The following TMC6 variants were observed in gnomAD, a reference collection of about 807,000 sequenced individuals.
TMC6 encodes transmembrane channel-like protein 6.
In TMC6, 71 loss-of-function variants were observed where a neutral mutation model predicts 95.4. The ratio of observed to expected loss-of-function variants is 0.74; its 90% CI spans 0.61 to 0.91. The LOEUF is 0.91. TMC6 is among the 40% of genes least tolerant of loss of function. The pLI is 0.00. For synonymous variants in TMC6, 514 were observed against 483.1 expected (o/e 1.06, Z -0.84); for missense variants, 1,074 against 1,079.1 (o/e 1.00, Z 0.07).
Position 78,128,030 on chromosome 17 carries a change from C to T in TMC6, c.-75+582G>A, listed in dbSNP as rs2074820049. The stretch of plus-strand genomic sequence containing the variant: ...TAGAGCTGGAATCCCTTCCTCCAGA[C>T]AGGCCCTTCTAAGCTCAGGGAACCC... On this transcript the variant is annotated intron_variant, in intron 1 of 19. Transcript: ENST00000590602. This position sits in a 1 kb window ranked among gnomAD's most constrained non-coding sequence, Gnocchi z 4.0. Among the ~76,000 whole-genome samples, 1 of 152,268 alleles carries T rather than the reference C, an allele frequency of 6.6e-6. No homozygotes were observed. Among genetic ancestry groups the T allele is most frequent in the Admixed American group, 6.5e-5 (1 of 15,290 alleles).
chr17:78,121,533 C>A lies in TMC6; in HGVS notation c.1383+23G>T. 1 of 1,610,692 alleles carries A rather than the reference C, an allele frequency of 6.2e-7. No individual in the cohort carries two copies. Among genetic ancestry groups the A allele is most frequent in the East Asian group, 2.2e-5 (1 of 44,838 alleles). On this transcript the variant is annotated intron_variant, in intron 11 of 19. Transcript: ENST00000590602. The surrounding 1 kb of genome is among the most constrained non-coding windows in gnomAD (Gnocchi z 5.6). ...ACTGGGGACACGTTCCAAGCAAGGGCCAGGCTCCCCCCATCCCCGCACCTG... is the reference window on the plus strand; with the variant it reads ...ACTGGGGACACGTTCCAAGCAAGGGACAGGCTCCCCCCATCCCCGCACCTG...
chr17:78,118,030 G>A (rs960881551), intron 15 of TMC6, 95 bp from the exon 16 acceptor site: 2 of 1,539,250 alleles, frequency 1.3e-6, no homozygotes, highest in East Asian at 2.4e-5. Flanking sequence ...GACCAGGGCT[G>A]TGCGTCCAGG....
chr17:78,119,087 T>C, intron 14 of TMC6, 41 bp from the exon 15 acceptor site: 1 of 1,545,218 alleles, frequency 6.5e-7, no homozygotes, highest in Non-Finnish European at 8.8e-7. Context: ...TCCAGTGCCC[T>C]CCCCTCCCCG....
chr17:78,131,505 A>C, upstream of TMC6: 1 of 1,516,626 alleles, frequency 6.6e-7, no homozygotes, highest in Non-Finnish European at 8.8e-7. Context: ...GGCCATAGCC[A>C]AGGCCTTAAG....
upstream of TMC6, chr17:78,131,289 A>AC (rs974569952): frequency 3.8e-6 from 2 of 531,690 alleles, no homozygotes; most frequent in African/African-American, 3.9e-5. Context: ...AGATGGGGAG[A>AC]CTGAGGCCGT....
rs2073821566 is a variant in TMC6, at chr17:78,111,364, G to A, written c.*1784C>T. ...ATGGGCTCAACAGGTCACAACCAAT[G>A]ATCATGCTGGCAAGCCAGCAGTGGC... On this transcript the variant is annotated 3_prime_UTR_variant, in exon 20 of 20. Coordinates refer to ENST00000590602, the MANE Select transcript of TMC6 (RefSeq NM_001127198.5). 6.6e-6 allele frequency: 1 copy of A among 152,372 alleles called. No homozygotes were observed. Among genetic ancestry groups the A allele is most frequent in the Non-Finnish European group, 1.5e-5 (1 of 68,148 alleles). The allele number at this position is 152,372 out of a possible 1,614,324, so 9.4% of individuals were successfully genotyped here.
chr17:78,125,216 G>C lies in TMC6; in HGVS notation c.478C>G (p.Gln160Glu), dbSNP rs1209482520. 1.3e-6 allele frequency: 2 copies of C among 1,591,058 alleles called. No homozygotes were observed. Among genetic ancestry groups the C allele is most frequent in the African/African-American group, 1.3e-5 (1 of 74,774 alleles). ...VKELQSLAVAQRDHMLRGMPL... is the reference protein window; with the variant it reads ...VKELQSLAVAERDHMLRGMPL... ...ATCCCGCGAAGCATGTGGTCCCGCT[G>C]TGCCACTGCCAGGCTCTGGAGCTCC... Residue 160 changes from glutamine to glutamate, a missense_variant, in exon 6 of 20, where the codon CAG becomes GAG. Coordinates refer to ENST00000590602, the MANE Select transcript of TMC6 (RefSeq NM_001127198.5).
At position 78,113,781 on chromosome 17, in the gene TMC6, G is replaced by A. The variant is rs1473477894; in HGVS notation, c.2278-157C>T. On this transcript the variant is annotated intron_variant, in intron 18 of 19. Coordinates refer to ENST00000590602, the MANE Select transcript of TMC6 (RefSeq NM_001127198.5). ...AAAAGGTGAAAGGGCCACCAAACAAGGACAAGGAAAAACCAAGAGCCAGGA... is the reference window on the plus strand; with the variant it reads ...AAAAGGTGAAAGGGCCACCAAACAAAGACAAGGAAAAACCAAGAGCCAGGA... 3.9e-6 allele frequency: 3 copies of A among 764,130 alleles called. No individual in the cohort carries two copies. The African/African-American group carries it at 5.2e-5, about 13-fold the overall frequency. The allele number at this position is 764,130 out of a possible 1,614,324, so 47.3% of individuals were successfully genotyped here.
chr17:78,117,020 AC>A (rs991907165), intron 18 of TMC6, among the ~76,000 whole-genome samples: 1 of 151,866 alleles, frequency 6.6e-6, no homozygotes, highest in Non-Finnish European at 1.5e-5. Context: ...CTGAAATCAC[AC>A]CCCACCCCCC....
intron 18 of TMC6, 149 bp downstream of exon 18, chr17:78,117,120 T>C (rs1598833344): frequency 7.7e-6 from 6 of 784,240 alleles, no homozygotes; most frequent in Non-Finnish European, 1.0e-5. Context: ...TGATCTGAAG[T>C]GCACGTATTG....
chr17:78,119,134 G>T (rs565513959), intron 14 of TMC6, 88 bp from the exon 15 acceptor site: 1 of 1,503,556 alleles, frequency 6.7e-7, no homozygotes, highest in Non-Finnish European at 9.1e-7. Context: ...CAGGGCATGT[G>T]ACAGTGGCCA....
In TMC6 at chr17:78,117,648, G is replaced by T. The variant is rs1390522522; in HGVS notation, c.2022-4C>A. The T allele has an allele frequency of 1.3e-5, 21 of 1,566,068 alleles. No homozygotes were observed. Among genetic ancestry groups the T allele is most frequent in the Non-Finnish European group, 1.8e-5 (21 of 1,156,226 alleles). ...GCAGGTGCTCGAGGGCTTCACCCTG[G>T]GGAAGATGCCGACCAGGAACCCTCA... is the stretch of plus-strand genomic sequence containing the variant. On this transcript the variant is annotated splice_polypyrimidine_tract_variant and splice_region_variant and intron_variant, in intron 16 of 19. Transcript: ENST00000590602.
rs2073827834 is a variant in TMC6, at chr17:78,111,699, G to A, written c.*1449C>T. ...CACAGGAGCATCCCCATGGGATTGG[G>A]TGGGCTAGACCCAGCGTGGGGGTCT... On this transcript the variant is annotated 3_prime_UTR_variant, in exon 20 of 20. Transcript: ENST00000590602. 2 of 160,594 alleles carry A rather than the reference G, an allele frequency of 1.2e-5. No homozygotes were observed. The highest frequency in any genetic ancestry group is 2.9e-4 in the South Asian group (2 of 6,828). The allele number at this position is 160,594 out of a possible 1,614,324, so 9.9% of individuals were successfully genotyped here.
At chr17:78,125,118 G>A (rs750976052) in intron 6 of TMC6, 40 bp downstream of exon 6, 6 of 1,548,988 alleles carry the variant, frequency 3.9e-6, no homozygotes, top group South Asian at 3.6e-5. Flanking sequence ...GGGTCTGGGG[G>A]CGCAGCAGCG....
At position 78,110,435 on chromosome 17, in the gene TMC6, C is replaced by G. The variant is rs1021216319; in HGVS notation, c.*2713G>C. On this transcript the variant is annotated 3_prime_UTR_variant, in exon 20 of 20. Transcript: ENST00000590602. Reference sequence around the variant, plus strand: ...GAGGCAGTGAGCCGAGATCATGGAACTGCACTCCAGCCTGGGCAAGAGCAA... The same window carrying G: ...GAGGCAGTGAGCCGAGATCATGGAAGTGCACTCCAGCCTGGGCAAGAGCAA... 1.6e-4 allele frequency: 24 copies of G among 151,444 alleles called. No homozygotes were observed. Among genetic ancestry groups the G allele is most frequent in the African/African-American group, 5.6e-4 (23 of 41,160 alleles). 9.4% of individuals were successfully genotyped at this position (151,444 alleles called of 1,614,324 possible).
intron 19 of TMC6, 74 bp from the exon 20 acceptor site, chr17:78,113,285 G>A (rs1370425367): frequency 6.0e-6 from 9 of 1,487,780 alleles, no homozygotes; most frequent in Non-Finnish European, 8.2e-6. Context: ...GCGCAGCCAA[G>A]GCCCGGCGAG....
rs571643180 is a variant in TMC6 at position 78,122,648 on chromosome 17, C to T, written c.1184G>A (p.Arg395Gln). 45 of 1,611,962 alleles carry T rather than the reference C, an allele frequency of 2.8e-5. 1 individual carries two copies. In the South Asian group the frequency reaches 3.0e-4, roughly 11 times the overall value. Residue 395 changes from arginine to glutamine, a missense_variant, in exon 10 of 20, where the codon CGG (arginine) becomes CAG (glutamine). By Grantham distance (43) the Arg-to-Gln change is conservative. Transcript: ENST00000590602. This position sits in a 1 kb window ranked among gnomAD's most constrained non-coding sequence, Gnocchi z 4.9. ...ATTGTCCTGCTGGAGGCGGGAGGCC[C>T]GCTTCTGCGTCACCTTGTAGTCCCA... is the stretch of plus-strand genomic sequence containing the variant. ...CSWDYKVTQK[R>Q]ASRLQQDNIR...
chr17:78,119,362 C>T lies in TMC6; in HGVS notation c.1746G>A (p.Arg582=), dbSNP rs370625898. Residue 582 remains arginine (R), a synonymous_variant, in exon 14 of 20, where the codon AGG becomes AGA. Coordinates refer to ENST00000590602, the MANE Select transcript of TMC6 (RefSeq NM_001127198.5). ...RIISEKKLKR[R]RKPEFDIARN... ...GGGCAATGTCAAACTCCGGCTTCCG[C>T]CTCCTCTTCAGCTTCTTCTCGGAGA... The T allele has an allele frequency of 3.5e-5, 56 of 1,614,066 alleles. No individual in the cohort carries two copies. The African/African-American group carries it at 6.9e-4, about 20-fold the overall frequency.
chr17:78,127,586 G>C (rs117400428), intron 1 of TMC6, among the ~76,000 whole-genome samples: 38 of 152,324 alleles, frequency 2.5e-4, no homozygotes, highest in Middle Eastern at 3.4e-3. Flanking sequence ...ACTGGAACCA[G>C]AGCAGCCTTG....
Sources: gnomAD v4.1 joint callset for allele counts (sites outside exome capture counted in the v4.1 genomes callset) on GRCh38, gnomAD v4.1.1 for gene constraint, Gnocchi (gnomAD v3.1) non-coding constraint, MANE v1.5 for transcripts, NCBI Gene and HGNC (gene_info 2026-07-23, HGNC 2026-07-21) for gene names.